GRAMD4: variants seen among roughly 807,000 people sequenced by gnomAD.
GRAMD4 encodes the protein GRAM domain containing 4.
GRAMD4 carries 25 observed loss-of-function variants against 83.9 expected under a neutral mutation model. The ratio of observed to expected loss-of-function variants is 0.30; its 90% CI spans 0.22 to 0.42. GRAMD4 has a LOEUF of 0.42. Among genes scored for constraint, GRAMD4 ranks in the 10% least tolerant of loss-of-function variants. The pLI, the probability that GRAMD4 is intolerant of heterozygous loss-of-function variation, is 1.00. For missense variants in GRAMD4, 593 were observed against 788.7 expected, an observed-to-expected ratio of 0.75 and a Z score of 2.97; for synonymous variants, 336 against 320.9, an observed-to-expected ratio of 1.05 and a Z score of -0.50.
intron 1 of GRAMD4, among the ~76,000 whole-genome samples, chr22:46,592,995 C>T (rs944448063): frequency 6.6e-6 from 1 of 152,060 alleles, no homozygotes; most frequent in Non-Finnish European, 1.5e-5. Context: ...CCAACATAAC[C>T]TAAATTAGAA....
intron 3 of GRAMD4, among the ~76,000 whole-genome samples, chr22:46,650,843 C>T (rs1482794372): frequency 6.6e-6 from 1 of 152,238 alleles, no homozygotes; most frequent in African/African-American, 2.4e-5. Context: ...ACCAGAGTCA[C>T]TCTTCCTTGT....
intron 3 of GRAMD4, among the ~76,000 whole-genome samples, chr22:46,652,687 C>T (rs532943581): frequency 2.6e-5 from 4 of 152,278 alleles, no homozygotes; most frequent in East Asian, 3.9e-4. Context: ...CTCCGGAGGC[C>T]GAGGGAACCC....
chr22:46,670,950 C>A, intron 13 of GRAMD4: 1 of 277,820 alleles, frequency 3.6e-6, no homozygotes, highest in East Asian at 1.1e-4. Context: ...GTTCTCACAA[C>A]CACCCTGAGA....
chr22:46,652,586 T>C (rs909734759), intron 3 of GRAMD4, among the ~76,000 whole-genome samples: 1 of 152,174 alleles, frequency 6.6e-6, no homozygotes, highest in African/African-American at 2.4e-5. Flanking sequence ...GCAGGACACC[T>C]TGGCCCTGAC....
Position 46,647,798 on chromosome 22 carries a change from A to G in GRAMD4, c.283+9838A>G, listed in dbSNP as rs557690760. ...GGGTGAGACATTCCCCAGGCCAGCA[A>G]GCCTTCCCGTCCTCTGCACCTCATC... On this transcript the variant is annotated intron_variant, in intron 3 of 18. Transcript: ENST00000406902. Among the ~76,000 whole-genome samples the G allele has an allele frequency of 2.6e-3, 392 of 152,376 alleles. 3 individuals are homozygous for G. Among genetic ancestry groups the G allele is most frequent in the African/African-American group, 9.3e-3 (385 of 41,592 alleles).
chr22:46,676,325 T>C (rs2082597675), intron 17 of GRAMD4, among the ~76,000 whole-genome samples: 1 of 152,158 alleles, frequency 6.6e-6, no homozygotes, highest in Non-Finnish European at 1.5e-5. Context: ...GTGCCTACCG[T>C]CAGCCTCCTC....
chr22:46,639,102 T>C lies in GRAMD4; in HGVS notation c.283+1142T>C, dbSNP rs2081934491. Among the ~76,000 whole-genome samples, 3 of 152,164 alleles carry C rather than the reference T, an allele frequency of 2.0e-5. No homozygotes were observed. In the South Asian group the frequency reaches 6.2e-4, roughly 32 times the overall value. On this transcript the variant is annotated intron_variant, in intron 3 of 18. Coordinates refer to ENST00000406902, the MANE Select transcript of GRAMD4 (RefSeq NM_015124.5). ...CTGTGTGTGTGCTTAGATGGCGTAA[T>C]GAACTCTGTGTGCTCATGTTTGTGT...
chr22:46,666,789 G>C (rs777251341), intron 9 of GRAMD4, 36 bp from the exon 10 acceptor site: 11 of 1,584,916 alleles, frequency 6.9e-6, no homozygotes, highest in Non-Finnish European at 9.5e-6. Context: ...CTCAGGTGGC[G>C]CTGTCCTAAA....
intron 2 of GRAMD4, among the ~76,000 whole-genome samples, chr22:46,635,041 G>A (rs983499098): frequency 6.6e-6 from 1 of 151,784 alleles, no homozygotes; most frequent in Admixed American, 6.6e-5. Flanking sequence ...AGTGTCCTTC[G>A]TCCCTTTGTG....
At chr22:46,595,444 G>C (rs2081252471) in intron 1 of GRAMD4, among the ~76,000 whole-genome samples, 1 of 152,254 alleles carries the variant, frequency 6.6e-6, no homozygotes, top group South Asian at 2.1e-4. Flanking sequence ...CATGGGCCTG[G>C]CCCTGTGTCT....
chr22:46,592,875 G>A (rs939899495), intron 1 of GRAMD4, among the ~76,000 whole-genome samples: 2 of 152,140 alleles, frequency 1.3e-5, no homozygotes, highest in South Asian at 2.1e-4. Flanking sequence ...AATAAAAAGA[G>A]CCTATATGAC....
chr22:46,604,468 G>A (rs1310977597), intron 1 of GRAMD4, among the ~76,000 whole-genome samples: 1 of 152,090 alleles, frequency 6.6e-6, no homozygotes, highest in African/African-American at 2.4e-5. Flanking sequence ...CATTCACACT[G>A]TTCTGCAACC....
At position 46,677,752 on chromosome 22, in the gene GRAMD4, C is replaced by T. The variant is rs573847062; in HGVS notation, c.*501C>T. On this transcript the variant is annotated 3_prime_UTR_variant, in exon 19 of 19. Coordinates refer to ENST00000406902, the MANE Select transcript of GRAMD4 (RefSeq NM_015124.5). ...GACATGGGGGCCTTTCACCAACCAC[C>T]GAGAAACGGGCCTGGCGGCCCTCCT... The T allele has an allele frequency of 2.9e-5, 29 of 986,176 alleles. No homozygotes were observed. Among genetic ancestry groups the T allele is most frequent in the East Asian group, 2.3e-4 (2 of 8,836 alleles). The allele number at this position is 986,176 out of a possible 1,614,324, so 61.1% of individuals were successfully genotyped here.
At position 46,679,332 on chromosome 22, in the gene GRAMD4, A is replaced by G; in HGVS notation, c.*2081A>G. On this transcript the variant is annotated 3_prime_UTR_variant, in exon 19 of 19. Coordinates refer to ENST00000406902, the MANE Select transcript of GRAMD4 (RefSeq NM_015124.5). ...GGAGAAAGGGAGATGAAAACTGACCACGTGCCAGGTGTGGCCGAAGCCCCC... is the reference window on the plus strand; with the variant it reads ...GGAGAAAGGGAGATGAAAACTGACCGCGTGCCAGGTGTGGCCGAAGCCCCC... The G allele has an allele frequency of 1.0e-6, 1 of 985,202 alleles. No individual in the cohort carries two copies. Among genetic ancestry groups the G allele is most frequent in the Non-Finnish European group, 1.2e-6 (1 of 829,914 alleles). The allele number at this position is 985,202 out of a possible 1,614,324, so 61.0% of individuals were successfully genotyped here. A position where few individuals can be genotyped will look rare whatever the true frequency, so the allele number is the denominator to read the frequency against.
chr22:46,619,757 C>T (rs1456379428), upstream of GRAMD4, among the ~76,000 whole-genome samples: 2 of 152,172 alleles, frequency 1.3e-5, no homozygotes, highest in South Asian at 2.1e-4. Flanking sequence ...CCAGGCCTTT[C>T]TGACAGTGAG....
At chr22:46,604,472 T>C (rs1467297608) in intron 1 of GRAMD4, among the ~76,000 whole-genome samples, 1 of 152,208 alleles carries the variant, frequency 6.6e-6, no homozygotes, top group Non-Finnish European at 1.5e-5. Context: ...CACACTGTTC[T>C]GCAACCGTCA....
chr22:46,609,580 C>T (rs1000148339), intron 1 of GRAMD4, among the ~76,000 whole-genome samples: 5 of 152,228 alleles, frequency 3.3e-5, no homozygotes, highest in Non-Finnish European at 7.3e-5. Context: ...GTAAAATCCA[C>T]CTGACTCACC....
chr22:46,588,420 C>T lies in GRAMD4; in HGVS notation c.-50+11130C>T, dbSNP rs2081172728. The stretch of plus-strand genomic sequence containing the variant: ...GAGCTCTGTGGATGTGGGGCAGACC[C>T]GGCTGGCTTGTTGGAGCACCCTCCC... On this transcript the variant is annotated intron_variant, in intron 1 of 1. Transcript: ENST00000431155. Among the ~76,000 whole-genome samples, 3 of 152,166 alleles carry T rather than the reference C, an allele frequency of 2.0e-5. No homozygotes were observed. The South Asian group carries it at 6.2e-4, about 31-fold the overall frequency.
At chr22:46,648,767 CATGG>C (rs1220197647) in intron 3 of GRAMD4, among the ~76,000 whole-genome samples, 1,993 of 24,614 alleles carry the variant, frequency 0.081, 86 homozygotes, top group South Asian at 0.13. Flanking sequence ...TGGATGGATG[CATGG>C]ATGGATGGAT....
Sources: allele counts gnomAD v4.1 joint callset (sites outside exome capture counted in the v4.1 genomes callset), GRCh38; gene constraint gnomAD v4.1.1; transcripts MANE v1.5; gene names NCBI Gene and HGNC (gene_info 2026-07-23, HGNC 2026-07-21).